Variants in ARHGAP8 observed in about 807,000 individuals in gnomAD.
ARHGAP8 encodes Rho GTPase activating protein 8.
In ARHGAP8, 62 loss-of-function variants were observed where a neutral mutation model predicts 46.1. That is an observed-to-expected ratio of 1.34 (90% CI 1.10 to 1.66). The LOEUF is 1.66. Among genes scored for constraint, ARHGAP8 ranks in the 40% most tolerant of loss-of-function variants. ARHGAP8 has a pLI of 0.00. For missense variants in ARHGAP8, 923 were observed against 568.4 expected (o/e 1.62, Z -6.34); for synonymous variants, 375 against 243.1 (o/e 1.54, Z -5.05).
At chr22:44,808,105 G>T (rs1433536379) in intron 3 of ARHGAP8, among the ~76,000 whole-genome samples, 1 of 152,206 alleles carries the variant, frequency 6.6e-6, no homozygotes, top group Non-Finnish European at 1.5e-5. Flanking sequence ...CTAGCTGTGT[G>T]ACTTTAGATA....
chr22:44,831,265 C>G lies in ARHGAP8; in HGVS notation c.596+5672C>G, dbSNP rs1930924601. On this transcript the variant is annotated intron_variant, in intron 7 of 11. Transcript: ENST00000356099. ...AATTCAAGGCCGTGACAATTCATGC[C>G]TATGTTTTCTTCCAAGAGTTTTACC... 2.0e-5 allele frequency among the ~76,000 whole-genome samples: 3 copies of G among 152,160 alleles called. No homozygotes were observed. In the South Asian group the frequency reaches 6.2e-4, roughly 31 times the overall value.
At chr22:44,771,242 A>AT (rs368256843) in intron 1 of ARHGAP8, among the ~76,000 whole-genome samples, 4,778 of 108,210 alleles carry the variant, frequency 0.044, 189 homozygotes, top group African/African-American at 0.055. Context: ...TTGCAAGTAA[A>AT]TTTTTTTTTT....
chr22:44,798,038 G>A (rs1265398885), intron 2 of ARHGAP8, among the ~76,000 whole-genome samples: 1 of 146,790 alleles, frequency 6.8e-6, no homozygotes, highest in Non-Finnish European at 1.5e-5. Context: ...GTGCATTGGT[G>A]TGATCTCAGC....
At chr22:44,847,780 G>A (rs1054549583) in intron 8 of ARHGAP8, among the ~76,000 whole-genome samples, 193 bp from the exon 9 acceptor site, 1 of 152,212 alleles carries the variant, frequency 6.6e-6, no homozygotes, top group Non-Finnish European at 1.5e-5. Flanking sequence ...GTCTATTTCC[G>A]CTTTCCCTTT....
intron 1 of ARHGAP8, among the ~76,000 whole-genome samples, chr22:44,777,848 A>G (rs1926535317): frequency 6.6e-6 from 1 of 152,004 alleles, no homozygotes; most frequent in African/African-American, 2.4e-5. Context: ...GGTGTCCGCC[A>G]CCATGCCCAG....
chr22:44,784,819 C>T lies in ARHGAP8; in HGVS notation c.-71-1638C>T, dbSNP rs150293199. 2.9e-4 allele frequency among the ~76,000 whole-genome samples: 44 copies of T among 152,344 alleles called. 1 individual carries two copies. Among genetic ancestry groups the T allele is most frequent in the African/African-American group, 1.0e-3 (42 of 41,586 alleles). On this transcript the variant is annotated intron_variant, in intron 1 of 11. Coordinates refer to ENST00000356099, the MANE Select transcript of ARHGAP8 (RefSeq NM_181335.3). Reference sequence around the variant, plus strand: ...TTTGCCTGTGTGGCTGCTGGGTCCTCACTGCCGGAAAGTGTTCTTGGCACA... The same window carrying T: ...TTTGCCTGTGTGGCTGCTGGGTCCTTACTGCCGGAAAGTGTTCTTGGCACA...
At position 44,862,496 on chromosome 22, in the gene ARHGAP8, A is replaced by G. The variant is rs896067609; in HGVS notation, c.1203A>G (p.Ala401=). 6.2e-7 allele frequency: 1 copy of G among 1,613,710 alleles called. No homozygotes were observed. Residue 401 remains alanine, a synonymous_variant, in exon 12 of 12, where the codon GCA becomes GCG. Coordinates refer to ENST00000356099, the MANE Select transcript of ARHGAP8 (RefSeq NM_181335.3). ...GLAPWEQGSR[A]APLQEAVPRT... ...CACCATGGGAACAGGGGAGCAGGGC[A>G]GCCCCTTTGCAGGAGGCTGTGCCAC...
At chr22:44,763,115 G>T (rs531415242) in intron 1 of ARHGAP8, among the ~76,000 whole-genome samples, 1 of 152,284 alleles carries the variant, frequency 6.6e-6, no homozygotes, top group East Asian at 1.9e-4. Context: ...TTTCATGCTG[G>T]TTGGGAAGGT....
chr22:44,860,938 C>T (rs574106615), intron 11 of ARHGAP8, among the ~76,000 whole-genome samples: 1 of 151,888 alleles, frequency 6.6e-6, no homozygotes, highest in African/African-American at 2.4e-5. Context: ...CTTGGTTTTA[C>T]AACAATTTTT....
Position 44,827,336 on chromosome 22 carries a change from G to GTTTTTTTTTTTTTTTTTTTTTTTTT in ARHGAP8, c.596+1745_596+1769dup, listed in dbSNP as rs796490147. Among the ~76,000 whole-genome samples, 10 of 67,268 alleles carry GTTTTTTTTTTTTTTTTTTTTTTTTT rather than the reference G, an allele frequency of 1.5e-4. 3 individuals carry two copies. The highest frequency in any genetic ancestry group is 7.9e-4 in the South Asian group (1 of 1,270). The allele number at this position is 67,268 out of a possible 152,430, so 44.1% of individuals were successfully genotyped here. A position where few individuals can be genotyped will look rare whatever the true frequency, so the allele number is the denominator to read the frequency against. Reference sequence around the variant, plus strand: ...GGTGAGATAATACATTTGGGTGGTGGTTTTTTTTTTTTTTTTTTTTTTTTT... The same window carrying GTTTTTTTTTTTTTTTTTTTTTTTTT: ...GGTGAGATAATACATTTGGGTGGTGGTTTTTTTTTTTTTTTTTTTTTTTTTTTTTTTTTTTTTTTTTTTTTTTTTT... On this transcript the variant is annotated intron_variant, in intron 7 of 11. Transcript: ENST00000356099.
rs142113633 is a variant in ARHGAP8, at chr22:44,847,983, C to T, written c.681C>T (p.Thr227=). The T allele has an allele frequency of 1.8e-4, 297 of 1,607,722 alleles. No homozygotes were observed. The African/African-American group carries it at 1.9e-3, about 10-fold the overall frequency. The change falls in exon 9 of 12, where the codon ACC becomes ACT. Residue 227 remains threonine (T), a synonymous_variant. Transcript: ENST00000356099. The part of the protein sequence containing the change: ...VTYLREKGLR[T]EGLFRRSASV... ...GCTCCTCTCCTGCAGGCCTGCGCAC[C>T]GAGGGCCTGTTCCGGAGATCCGCCA...
chr22:44,831,102 TCCGTC>T (rs1018267771), intron 7 of ARHGAP8, among the ~76,000 whole-genome samples: 1 of 152,234 alleles, frequency 6.6e-6, no homozygotes, highest in Non-Finnish European at 1.5e-5. Flanking sequence ...GATGTTTTCT[TCCGTC>T]CTATGTGTTG....
At chr22:44,856,254 C>CTTTTTTTTT (rs557242169) in intron 10 of ARHGAP8, among the ~76,000 whole-genome samples, 17 of 86,824 alleles carry the variant, frequency 2.0e-4, no homozygotes, top group African/African-American at 4.4e-4. Flanking sequence ...TATAAATTCC[C>CTTTTTTTTT]TTTTTTTTTT....
chr22:44,826,140 T>A (rs981064786), intron 7 of ARHGAP8, among the ~76,000 whole-genome samples: 1 of 151,972 alleles, frequency 6.6e-6, no homozygotes, highest in African/African-American at 2.4e-5. Flanking sequence ...GGAGGAAGCT[T>A]CCAGAGCCAG....
At chr22:44,835,964 G>A (rs6007314) in intron 7 of ARHGAP8, among the ~76,000 whole-genome samples, 4,282 of 152,240 alleles carry the variant, frequency 0.028, 202 homozygotes, top group African/African-American at 0.099. Flanking sequence ...GGCCTCCAGG[G>A]TGGGACACTG....
At chr22:44,841,843 G>A (rs1472839097) in intron 7 of ARHGAP8, among the ~76,000 whole-genome samples, 3 of 152,220 alleles carry the variant, frequency 2.0e-5, no homozygotes, top group African/African-American at 7.2e-5. Context: ...ACATGGCCCA[G>A]CCCAGAGTCA....
chr22:44,851,337 A>G (rs2070087954), intron 10 of ARHGAP8, among the ~76,000 whole-genome samples: 1 of 152,228 alleles, frequency 6.6e-6, no homozygotes, highest in Non-Finnish European at 1.5e-5. Context: ...GATTCACACG[A>G]GAAAAGCATG....
At chr22:44,860,703 G>C (rs560667121) in intron 11 of ARHGAP8, among the ~76,000 whole-genome samples, 201 of 152,226 alleles carry the variant, frequency 1.3e-3, no homozygotes, top group African/African-American at 4.6e-3. Flanking sequence ...CCTGGGCTTA[G>C]TGTGCTCTCC....
intron 8 of ARHGAP8, 80 bp from the exon 9 acceptor site, chr22:44,847,892 TG>T: frequency 6.4e-7 from 1 of 1,552,480 alleles, no homozygotes; most frequent in Non-Finnish European, 8.7e-7. Flanking sequence ...GGTGATGCCG[TG>T]GGCAGGGGAG....
Sources: allele counts gnomAD v4.1 joint callset (sites outside exome capture counted in the v4.1 genomes callset), GRCh38; gene constraint gnomAD v4.1.1; transcripts MANE v1.5; gene names NCBI Gene and HGNC (gene_info 2026-07-23, HGNC 2026-07-21).